BLTP1: variants seen among roughly 807,000 people sequenced by gnomAD.
BLTP1 encodes the protein bridge-like lipid transfer protein family member 1, also known as fragile site-associated protein.
the BLTP1 span, among the ~76,000 whole-genome samples, chr4:122,320,708 G>A: frequency 6.6e-6 from 1 of 151,930 alleles, no homozygotes; most frequent in Non-Finnish European, 1.5e-5. Context: ...ATATAAGTGG[G>A]TTTCTTGTAG....
chr4:122,181,955 A>C, the BLTP1 span, among the ~76,000 whole-genome samples: 1 of 152,190 alleles, frequency 6.6e-6, no homozygotes, highest in Non-Finnish European at 1.5e-5. Flanking sequence ...ATAATTGATA[A>C]CATCTACCAA....
the BLTP1 span, chr4:122,261,495 A>G: frequency 2.0e-6 from 2 of 980,914 alleles, no homozygotes; most frequent in Non-Finnish European, 2.4e-6. Context: ...CATTCTAATC[A>G]TAGATGTGAC....
chr4:122,257,545 G>C, the BLTP1 span: 2 of 1,552,654 alleles, frequency 1.3e-6, no homozygotes, highest in Non-Finnish European at 1.8e-6. Context: ...CACAAAACTA[G>C]GGTGTTTTCT....
At chr4:122,335,995 C>G in the BLTP1 span, 4 of 432,478 alleles carry the variant, frequency 9.2e-6, no homozygotes, top group Non-Finnish European at 1.6e-5. Context: ...TAGGAATAAC[C>G]AACTTATTAT....
chr4:122,269,319 C>G, the BLTP1 span: 27 of 654,898 alleles, frequency 4.1e-5, no homozygotes, highest in African/African-American at 5.9e-5. Context: ...TATTTATTGG[C>G]CTAGTAAAAA....
At chr4:122,333,788 C>G in the BLTP1 span, 2 of 1,610,070 alleles carry the variant, frequency 1.2e-6, no homozygotes, top group Non-Finnish European at 1.7e-6. Context: ...CAGTATTTTA[C>G]ATTCCCGGAG....
At chr4:122,242,162 A>T in the BLTP1 span, among the ~76,000 whole-genome samples, 1 of 152,204 alleles carries the variant, frequency 6.6e-6, no homozygotes, top group Non-Finnish European at 1.5e-5. Context: ...TATTAAAGAG[A>T]TGTCTGTACT....
At chr4:122,347,195 A>G in the BLTP1 span, 12 of 984,572 alleles carry the variant, frequency 1.2e-5, no homozygotes, top group Non-Finnish European at 1.4e-5. Context: ...GGATTTAGAT[A>G]TTGTTGTAGG....
chr4:122,155,730 CT>C, the BLTP1 span, among the ~76,000 whole-genome samples: 1 of 152,108 alleles, frequency 6.6e-6, no homozygotes, highest in Admixed American at 6.5e-5. Context: ...TTTTGAGGAA[CT>C]TGTATAGAAG....
chr4:122,245,244 T>C, the BLTP1 span: 2 of 1,016,794 alleles, frequency 2.0e-6, no homozygotes, highest in Non-Finnish European at 2.9e-6. Context: ...TCAGAATATT[T>C]GGACATGTTC....
At chr4:122,272,676 T>A in the BLTP1 span, among the ~76,000 whole-genome samples, 1 of 152,046 alleles carries the variant, frequency 6.6e-6, no homozygotes, top group Non-Finnish European at 1.5e-5. Context: ...TCTTTTAATA[T>A]CAACTACTAA....
At chr4:122,290,986 T>C in the BLTP1 span, 30 of 848,106 alleles carry the variant, frequency 3.5e-5, no homozygotes, top group African/African-American at 2.6e-4. Context: ...GAGTTCCTAG[T>C]ATCAGACTGT....
chr4:122,174,662 T>C, the BLTP1 span: 2 of 1,563,250 alleles, frequency 1.3e-6, no homozygotes, highest in East Asian at 2.3e-5. Context: ...GGTAACAAAA[T>C]TAAAAAATTG....
the BLTP1 span, chr4:122,152,414 C>G: frequency 5.1e-6 from 5 of 985,850 alleles, no homozygotes; most frequent in South Asian, 1.9e-4. Flanking sequence ...GGGTCTGGAC[C>G]TGGGCGGCGG....
chr4:122,351,079 T>C, the BLTP1 span: 1 of 153,322 alleles, frequency 6.5e-6, no homozygotes, highest in Non-Finnish European at 1.4e-5. Context: ...ACCATTATCA[T>C]TGTTATGTAC....
At chr4:122,337,588 A>G in the BLTP1 span, among the ~76,000 whole-genome samples, 4 of 151,972 alleles carry the variant, frequency 2.6e-5, no homozygotes, top group African/African-American at 7.2e-5. Flanking sequence ...TAAAGCTCAT[A>G]CTTCTGTGAC....
At chr4:122,339,419 T>C in the BLTP1 span, 2 of 1,600,488 alleles carry the variant, frequency 1.2e-6, no homozygotes, top group Middle Eastern at 1.7e-4. Context: ...GTATAGATAA[T>C]GTTCTTTTAT....
At chr4:122,186,069 T>G in the BLTP1 span, 1 of 1,604,430 alleles carries the variant, frequency 6.2e-7, no homozygotes, top group South Asian at 1.1e-5. Flanking sequence ...TACATCACAG[T>G]CAATGACTTT....
chr4:122,271,865 A>T, the BLTP1 span: 1 of 708,450 alleles, frequency 1.4e-6, no homozygotes. Context: ...CCAGGGAAAT[A>T]AAACAGTAAT....
Sources: allele counts gnomAD v4.1 joint callset (sites outside exome capture counted in the v4.1 genomes callset), GRCh38; gene constraint gnomAD v4.1.1; transcripts MANE v1.5; gene names NCBI Gene and HGNC (gene_info 2026-07-23, HGNC 2026-07-21).